Variants in PIP4K2A observed in about 807,000 individuals in gnomAD.
PIP4K2A encodes phosphatidylinositol 5-phosphate 4-kinase type-2 alpha.
Under a neutral mutation model 42.9 loss-of-function variants are expected in PIP4K2A, and 14 were observed. That is an observed-to-expected ratio of 0.33 (90% CI 0.22 to 0.51). The LOEUF (loss-of-function observed/expected upper bound fraction) is 0.51, where lower values mean the gene tolerates loss of function less well. PIP4K2A is among the 20% of genes least tolerant of loss of function. The pLI is 0.97. For missense variants in PIP4K2A, 434 were observed against 519.8 expected, an observed-to-expected ratio of 0.83 and a Z score of 1.61; for synonymous variants, 192 against 192.2, an observed-to-expected ratio of 1.00 and a Z score of 0.01.
At chr10:22,593,218 G>GGT (rs1564434591) in intron 3 of PIP4K2A, among the ~76,000 whole-genome samples, 1 of 152,182 alleles carries the variant, frequency 6.6e-6, no homozygotes, top group Non-Finnish European at 1.5e-5. Flanking sequence ...CACCCCCTGT[G>GGT]GTGGATCACA....
intron 2 of PIP4K2A, among the ~76,000 whole-genome samples, chr10:22,608,547 A>G (rs559208820): frequency 1.3e-5 from 2 of 152,330 alleles, no homozygotes; most frequent in Admixed American, 6.5e-5. Context: ...TCAGCTTCAC[A>G]TAAGGACAAT....
intron 4 of PIP4K2A, among the ~76,000 whole-genome samples, chr10:22,582,950 A>G (rs902367793): frequency 6.6e-6 from 1 of 152,074 alleles, no homozygotes; most frequent in African/African-American, 2.4e-5. Flanking sequence ...TAACAAATAT[A>G]ACAAAACAAA....
At chr10:22,674,415 C>CAAAAAAAAAAAAAAA (rs1002492534) in intron 1 of PIP4K2A, among the ~76,000 whole-genome samples, 3 of 61,132 alleles carry the variant, frequency 4.9e-5, no homozygotes, top group African/African-American at 5.1e-5. Flanking sequence ...CACTTGGGAG[C>CAAAAAAAAAAAAAAA]AAAAAAAAAA....
chr10:22,674,463 T>C (rs1485625605), intron 1 of PIP4K2A, among the ~76,000 whole-genome samples: 5 of 147,156 alleles, frequency 3.4e-5, no homozygotes, highest in African/African-American at 1.2e-4. Flanking sequence ...CTGTTTCTCC[T>C]ACTCAAAGTT....
chr10:22,554,984 T>G (rs972342020), intron 6 of PIP4K2A, among the ~76,000 whole-genome samples: 5 of 152,128 alleles, frequency 3.3e-5, no homozygotes, highest in African/African-American at 1.2e-4. Context: ...CTGCGGTGGG[T>G]TGGATTCCAA....
intron 1 of PIP4K2A, among the ~76,000 whole-genome samples, chr10:22,645,288 A>G (rs1051173445): frequency 6.6e-6 from 1 of 152,224 alleles, no homozygotes; most frequent in Non-Finnish European, 1.5e-5. Flanking sequence ...GCTCACGCCC[A>G]TAATCCCAGC....
At chr10:22,539,911 GGGA>G (rs1836055266) in intron 9 of PIP4K2A, 57 bp downstream of exon 9, 2,695 of 96,660 alleles carry the variant, frequency 0.028, no homozygotes, top group East Asian at 0.11. Context: ...GAGAGAGAGA[GGGA>G]GAGAGAGAGA....
chr10:22,557,162 G>C (rs997550211), intron 6 of PIP4K2A, among the ~76,000 whole-genome samples: 3 of 151,646 alleles, frequency 2.0e-5, no homozygotes, highest in African/African-American at 4.9e-5. Context: ...AAGGGAAAAC[G>C]TATCAGGACA....
At chr10:22,674,758 A>G in intron 1 of PIP4K2A, among the ~76,000 whole-genome samples, 1 of 151,610 alleles carries the variant, frequency 6.6e-6, no homozygotes, top group East Asian at 1.9e-4. Context: ...TCCAGGCAAT[A>G]TTGCAAGACT....
At chr10:22,684,744 T>C (rs1447936568) in intron 1 of PIP4K2A, among the ~76,000 whole-genome samples, 1 of 152,180 alleles carries the variant, frequency 6.6e-6, no homozygotes, top group African/African-American at 2.4e-5. Context: ...ATTTGTAAAT[T>C]ACCCTGGAGT....
intron 3 of PIP4K2A, among the ~76,000 whole-genome samples, chr10:22,606,144 CCAAAAA>C (rs1837902184): frequency 7.7e-6 from 1 of 130,588 alleles, no homozygotes. Context: ...CCAATCTCTA[CCAAAAA>C]AAAAAAAAAA....
chr10:22,706,079 G>A (rs1347925564), intron 1 of PIP4K2A, among the ~76,000 whole-genome samples: 1 of 151,968 alleles, frequency 6.6e-6, no homozygotes, highest in Non-Finnish European at 1.5e-5. Flanking sequence ...ACGAGAATAC[G>A]ATGGGGAAAA....
At chr10:22,541,703 CG>C in intron 8 of PIP4K2A, 100 bp downstream of exon 8, 1 of 1,327,600 alleles carries the variant, frequency 7.5e-7, no homozygotes, top group Non-Finnish European at 1.0e-6. Context: ...TGAGTGCTGC[CG>C]GGCAGCACCC....
chr10:22,666,402 C>T (rs1230994412), intron 1 of PIP4K2A, among the ~76,000 whole-genome samples: 1 of 152,184 alleles, frequency 6.6e-6, no homozygotes, highest in African/African-American at 2.4e-5. Context: ...CATGACCTTT[C>T]AATGCTCTTT....
At chr10:22,649,462 G>C (rs1327229656) in intron 1 of PIP4K2A, among the ~76,000 whole-genome samples, 1 of 152,218 alleles carries the variant, frequency 6.6e-6, no homozygotes, top group Non-Finnish European at 1.5e-5. Flanking sequence ...GTGTCAAACG[G>C]CCATCTCTTT....
intron 1 of PIP4K2A, among the ~76,000 whole-genome samples, chr10:22,685,765 G>C (rs1588706666): frequency 6.6e-6 from 1 of 152,174 alleles, no homozygotes; most frequent in East Asian, 1.9e-4. Context: ...GGCGGGGCAG[G>C]GAGGGAGAAA....
chr10:22,671,825 C>T (rs537118562), intron 1 of PIP4K2A, among the ~76,000 whole-genome samples: 66 of 151,468 alleles, frequency 4.4e-4, no homozygotes, highest in Non-Finnish European at 6.8e-4. Context: ...AATGCAGAGA[C>T]GCTGTTGTTC....
chr10:22,615,363 A>C (rs183155322), intron 1 of PIP4K2A, among the ~76,000 whole-genome samples: 11 of 152,330 alleles, frequency 7.2e-5, no homozygotes, highest in African/African-American at 2.4e-4. Context: ...TGTTGGAATC[A>C]CAGGCATGAA....
chr10:22,607,619 C>CT (rs1486844433), intron 3 of PIP4K2A, among the ~76,000 whole-genome samples: 1 of 152,064 alleles, frequency 6.6e-6, no homozygotes, highest in African/African-American at 2.4e-5. Context: ...AATTAACAGG[C>CT]AGCTCTGCTA....
Sources: allele counts gnomAD v4.1 joint callset (sites outside exome capture counted in the v4.1 genomes callset), GRCh38; gene constraint gnomAD v4.1.1; transcripts MANE v1.5; gene names NCBI Gene and HGNC (gene_info 2026-07-23, HGNC 2026-07-21).